NRXN1: variants seen among roughly 807,000 people sequenced by gnomAD.
NRXN1 encodes neurexin 1, also known as neurexin-1.
A neutral mutation model predicts 150.9 loss-of-function variants in NRXN1; 39 were observed. That is an observed-to-expected ratio of 0.26 (90% CI 0.20 to 0.34). The LOEUF is 0.34. Ranked by LOEUF, NRXN1 falls within the 10% of genes least tolerant of loss-of-function variation. The probability of loss-of-function intolerance (pLI) is 1.00; values close to 1 mark genes in which losing one functional copy is unlikely to be tolerated. For missense variants in NRXN1, 1,815 were observed against 1,949.9 expected, an observed-to-expected ratio of 0.93 and a Z score of 1.30; for synonymous variants, 924 against 757.0, an observed-to-expected ratio of 1.22 and a Z score of -3.62.
chr2:50,763,530 C>G (rs1035983085), intron 5 of NRXN1, among the ~76,000 whole-genome samples: 1 of 151,526 alleles, frequency 6.6e-6, no homozygotes, highest in African/African-American at 2.4e-5. Context: ...TATTATTATG[C>G]TAGGCACTTA....
chr2:50,606,028 C>T (rs191550668), intron 8 of NRXN1, among the ~76,000 whole-genome samples: 6 of 152,074 alleles, frequency 3.9e-5, no homozygotes, highest in Admixed American at 6.6e-5. Context: ...GCAGGCAGAT[C>T]GCTTGAAGTC....
intron 21 of NRXN1, among the ~76,000 whole-genome samples, chr2:49,978,949 T>C (rs1005391985): frequency 1.3e-5 from 2 of 152,194 alleles, no homozygotes; most frequent in Non-Finnish European, 2.9e-5. Context: ...GAACCTGATA[T>C]TGACAAATTT....
At chr2:50,813,827 G>T (rs866243439) in intron 5 of NRXN1, among the ~76,000 whole-genome samples, 44 of 152,094 alleles carry the variant, frequency 2.9e-4, no homozygotes, top group African/African-American at 1.0e-3. Context: ...ATTAACATGG[G>T]GCCTTACTTC....
chr2:50,267,569 T>TAG, intron 17 of NRXN1, among the ~76,000 whole-genome samples: 1 of 152,082 alleles, frequency 6.6e-6, no homozygotes, highest in South Asian at 2.1e-4. Context: ...GGGGAGCAAA[T>TAG]GTTAGGCTTT....
At chr2:50,266,971 A>G (rs538147404) in intron 17 of NRXN1, among the ~76,000 whole-genome samples, 1 of 152,346 alleles carries the variant, frequency 6.6e-6, no homozygotes, top group Admixed American at 6.5e-5. Flanking sequence ...CAGATAGCAT[A>G]GCTACCTAGG....
intron 5 of NRXN1, among the ~76,000 whole-genome samples, chr2:50,816,540 C>T (rs1668965656): frequency 6.6e-6 from 1 of 152,094 alleles, no homozygotes; most frequent in Admixed American, 6.6e-5. Flanking sequence ...AGAGGCTGCT[C>T]ATCTGGATTT....
chr2:50,710,553 G>T (rs1322635217), intron 5 of NRXN1, among the ~76,000 whole-genome samples: 1 of 151,982 alleles, frequency 6.6e-6, no homozygotes, highest in Non-Finnish European at 1.5e-5. Flanking sequence ...TTGTTCTTTT[G>T]GACTAGGTTC....
Position 50,277,382 on chromosome 2 carries a change from G to GTCCTTCCTTCCTTCCT in NRXN1, c.3365-40428_3365-40413dup, listed in dbSNP as rs1159581983. On this transcript the variant is annotated intron_variant, in intron 17 of 22. Coordinates refer to ENST00000401669, the MANE Select transcript of NRXN1 (RefSeq NM_001330078.2). ...GGCCAAGAGGAACTCAAAAAGGTCC[G>GTCCTTCCTTCCTTCCT]TCCTTCCTTCCTTCCTTCCTCCCTC... Among the ~76,000 whole-genome samples, 486 of 132,146 alleles carry GTCCTTCCTTCCTTCCT rather than the reference G, an allele frequency of 3.7e-3. 6 individuals are homozygous for GTCCTTCCTTCCTTCCT. Among genetic ancestry groups the GTCCTTCCTTCCTTCCT allele is most frequent in the African/African-American group, 0.013 (464 of 35,346 alleles). 86.7% of individuals were successfully genotyped at this position (132,146 alleles called of 152,430 possible).
At chr2:50,250,921 G>T (rs970103053) in intron 17 of NRXN1, among the ~76,000 whole-genome samples, 1 of 149,260 alleles carries the variant, frequency 6.7e-6, no homozygotes, top group Admixed American at 6.7e-5. Context: ...ATTACACATT[G>T]CATATGTAAT....
intron 8 of NRXN1, among the ~76,000 whole-genome samples, chr2:50,555,864 C>A (rs956552099): frequency 2.6e-5 from 4 of 152,134 alleles, no homozygotes; most frequent in Non-Finnish European, 5.9e-5. Flanking sequence ...TGGGAAATTT[C>A]ATCTTCACAC....
intron 15 of NRXN1, among the ~76,000 whole-genome samples, chr2:50,472,976 C>G (rs2089662868): frequency 6.6e-6 from 1 of 151,890 alleles, no homozygotes; most frequent in African/African-American, 2.4e-5. Flanking sequence ...AGTGGACACA[C>G]AGTCAACAGG....
chr2:50,481,866 C>T lies in NRXN1; in HGVS notation c.3071-9395G>A, dbSNP rs1245407572. On this transcript the variant is annotated intron_variant, in intron 15 of 22. Coordinates refer to ENST00000401669, the MANE Select transcript of NRXN1 (RefSeq NM_001330078.2). The stretch of plus-strand genomic sequence containing the variant: ...CTGCAAGCTCCGCCTCCCGGGTTCA[C>T]GCTATTCTCCTGCCTCAGCCTCCCA... Among the ~76,000 whole-genome samples the T allele has an allele frequency of 5.5e-5, 7 of 127,784 alleles. 1 individual carries two copies. Among genetic ancestry groups the T allele is most frequent in the Admixed American group, 3.3e-4 (4 of 12,150 alleles). 83.8% of individuals were successfully genotyped at this position (127,784 alleles called of 152,430 possible).
At chr2:50,731,618 T>A (rs541064828) in intron 5 of NRXN1, among the ~76,000 whole-genome samples, 5 of 152,246 alleles carry the variant, frequency 3.3e-5, no homozygotes, top group African/African-American at 1.2e-4. Flanking sequence ...AGCATCACCA[T>A]AAATGTTTAT....
At chr2:50,318,204 A>T (rs2075759947) in intron 17 of NRXN1, among the ~76,000 whole-genome samples, 1 of 152,152 alleles carries the variant, frequency 6.6e-6, no homozygotes, top group Admixed American at 6.6e-5. Flanking sequence ...CCAGAAACAT[A>T]TGAAGACATG....
At chr2:50,304,430 T>C (rs373350115) in intron 17 of NRXN1, among the ~76,000 whole-genome samples, 21 of 152,328 alleles carry the variant, frequency 1.4e-4, no homozygotes, top group African/African-American at 4.8e-4. Context: ...CAAAAACTTG[T>C]AGTGGTAGCA....
At position 50,262,989 on chromosome 2, in the gene NRXN1, C is replaced by G. The variant is rs11898872; in HGVS notation, c.3365-26019G>C. Among the ~76,000 whole-genome samples the G allele has an allele frequency of 4.2e-3, 640 of 152,004 alleles. 6 individuals carry two copies. The highest frequency in any genetic ancestry group is 0.014 in the African/African-American group (588 of 41,520). On this transcript the variant is annotated intron_variant, in intron 17 of 22. Coordinates refer to ENST00000401669, the MANE Select transcript of NRXN1 (RefSeq NM_001330078.2). ...GTAGATTAATACCTTTTGAAATGCC[C>G]TTAGACCTTTCACATCATGGAATAG...
intron 18 of NRXN1, among the ~76,000 whole-genome samples, chr2:50,234,470 G>A (rs558697791): frequency 6.6e-6 from 1 of 152,052 alleles, no homozygotes; most frequent in African/African-American, 2.4e-5. Context: ...CTCCAGCCTG[G>A]GCAACAAGAG....
At chr2:50,865,691 G>T (rs1489894664) in intron 5 of NRXN1, among the ~76,000 whole-genome samples, 4 of 41,664 alleles carry the variant, frequency 9.6e-5, no homozygotes, top group Non-Finnish European at 3.3e-4. Context: ...TTTTTTGGTG[G>T]TGGGGGTAGT....
At chr2:50,409,940 G>A (rs1041161077) in intron 17 of NRXN1, among the ~76,000 whole-genome samples, 3 of 151,966 alleles carry the variant, frequency 2.0e-5, no homozygotes, top group South Asian at 2.1e-4. Flanking sequence ...CAAAGCTCTC[G>A]GTATTATTTT....
Sources: allele counts gnomAD v4.1 joint callset (sites outside exome capture counted in the v4.1 genomes callset), GRCh38; gene constraint gnomAD v4.1.1; transcripts MANE v1.5; gene names NCBI Gene and HGNC (gene_info 2026-07-23, HGNC 2026-07-21).